GAPVD1: variants seen among roughly 807,000 people sequenced by gnomAD.
The protein encoded by GAPVD1 is GTPase-activating protein and VPS9 domain-containing protein 1.
In GAPVD1, 35 loss-of-function variants were observed where a neutral mutation model predicts 155.5. The observed-to-expected ratio is 0.23, with a 90% CI of 0.17 to 0.30. The LOEUF (loss-of-function observed/expected upper bound fraction) is 0.30. Ranked by LOEUF, GAPVD1 falls within the 10% of genes least tolerant of loss-of-function variation. The probability of loss-of-function intolerance (pLI) is 1.00; values close to 1 mark genes in which losing one functional copy is unlikely to be tolerated. For synonymous variants in GAPVD1, 636 were observed against 619.7 expected (o/e 1.03, Z -0.39); for missense variants, 1,429 against 1,775.7 (o/e 0.80, Z 3.51).
At chr9:125,271,781 C>G (rs556215183) in intron 2 of GAPVD1, among the ~76,000 whole-genome samples, 2 of 152,142 alleles carry the variant, frequency 1.3e-5, no homozygotes, top group Non-Finnish European at 2.9e-5. Flanking sequence ...GAACTCCTGA[C>G]CTCAAGTGAT....
intron 2 of GAPVD1, among the ~76,000 whole-genome samples, chr9:125,276,368 C>A (rs146184995): frequency 1.2e-3 from 185 of 152,230 alleles, no homozygotes; most frequent in African/African-American, 4.1e-3. Flanking sequence ...AATTTTTTCT[C>A]ATTTAATATT....
chr9:125,281,522 C>G (rs1204468047), intron 2 of GAPVD1, among the ~76,000 whole-genome samples: 1 of 152,070 alleles, frequency 6.6e-6, no homozygotes, highest in South Asian at 2.1e-4. Context: ...GCATCAAGAT[C>G]AATTCTTCAT....
intron 9 of GAPVD1, among the ~76,000 whole-genome samples, chr9:125,319,134 C>T (rs887610469): frequency 6.6e-6 from 1 of 151,840 alleles, no homozygotes; most frequent in Admixed American, 6.6e-5. Flanking sequence ...CAAGATCATG[C>T]CATTGCACTC....
Position 125,262,329 on chromosome 9 carries a change from C to T in GAPVD1, c.-199+370C>T, listed in dbSNP as rs372641428. 1.3e-4 allele frequency among the ~76,000 whole-genome samples: 20 copies of T among 152,246 alleles called. No individual in the cohort carries two copies. In the East Asian group the frequency reaches 3.7e-3, roughly 28 times the overall value. On this transcript the variant is annotated intron_variant, in intron 1 of 27. Transcript: ENST00000297933. ...AGGAGGCGAGAACGAAATGGAATGT[C>T]TTCTGAGTGTCGCTGATAAAGATAT...
intron 13 of GAPVD1, among the ~76,000 whole-genome samples, chr9:125,330,716 TTAGA>T (rs1845946343): frequency 6.6e-6 from 1 of 152,366 alleles, no homozygotes; most frequent in Admixed American, 6.5e-5. Flanking sequence ...AAATGCTCTG[TTAGA>T]TAGCATAGAC....
chr9:125,326,732 G>C, intron 12 of GAPVD1, 143 bp downstream of exon 12: 1 of 544,774 alleles, frequency 1.8e-6, no homozygotes, highest in East Asian at 3.0e-5. Flanking sequence ...TATGGAACAA[G>C]GCATTTGGGT....
At position 125,364,633 on chromosome 9, in the gene GAPVD1, G is replaced by A. The variant is rs1018081027; in HGVS notation, c.*1887G>A. On this transcript the variant is annotated 3_prime_UTR_variant, in exon 28 of 28. Coordinates refer to ENST00000297933, the MANE Select transcript of GAPVD1 (RefSeq NM_001282680.3). The stretch of plus-strand genomic sequence containing the variant: ...AAATTGCATAGGAGTGTGGGATGTG[G>A]TTTCTGCCTTCTAGAGAGAGATCAG... 5.3e-5 allele frequency: 8 copies of A among 152,224 alleles called. No homozygotes were observed. Among genetic ancestry groups the A allele is most frequent in the Non-Finnish European group, 7.3e-5 (5 of 68,040 alleles). The allele number at this position is 152,224 out of a possible 1,614,324, so 9.4% of individuals were successfully genotyped here. A position where few individuals can be genotyped will look rare whatever the true frequency, so the allele number is the denominator to read the frequency against.
chr9:125,302,591 T>G lies in GAPVD1; in HGVS notation c.794T>G (p.Phe265Cys). The change falls in exon 5 of 28, where the codon TTT becomes TGT. Residue 265 changes from phenylalanine (F) to cysteine (C), a missense_variant. Around this residue, in one of 4 missense-constraint regions of GAPVD1, gnomAD observed 628 missense variants for 733.4 expected, o/e 0.86. Coordinates refer to ENST00000297933, the MANE Select transcript of GAPVD1 (RefSeq NM_001282680.3). ...AAGCTAGTGGCTTTGGTGAACAAAT[T>G]TATTGGTTATCTCAAACAGAACACA... ...EAKLVALVNKFIGYLKQNTYC... is the reference protein window; with the variant it reads ...EAKLVALVNKCIGYLKQNTYC... 3 of 1,613,994 alleles carry G rather than the reference T, an allele frequency of 1.9e-6. No individual in the cohort carries two copies. The highest frequency in any genetic ancestry group is 2.5e-6 in the Non-Finnish European group (3 of 1,179,942).
intron 9 of GAPVD1, among the ~76,000 whole-genome samples, chr9:125,320,870 C>T (rs1844228919): frequency 6.6e-6 from 1 of 152,144 alleles, no homozygotes; most frequent in Non-Finnish European, 1.5e-5. Flanking sequence ...TCGTGATCTG[C>T]CTGCCCTGGC....
chr9:125,296,886 C>T (rs1283283058), intron 3 of GAPVD1, among the ~76,000 whole-genome samples: 1 of 151,864 alleles, frequency 6.6e-6, no homozygotes, highest in Admixed American at 6.6e-5. Flanking sequence ...TCTCAAACTC[C>T]TGACCTCAAG....
chr9:125,316,159 G>A (rs1843391360), intron 9 of GAPVD1, among the ~76,000 whole-genome samples: 1 of 152,080 alleles, frequency 6.6e-6, no homozygotes, highest in African/African-American at 2.4e-5. Flanking sequence ...TATATAATCT[G>A]ATTTCCAGAA....
chr9:125,302,451 T>A lies in GAPVD1; in HGVS notation c.654T>A (p.Asp218Glu). The change falls in exon 5 of 28, where the codon GAT (aspartate) becomes GAA (glutamate). Residue 218 changes from aspartate (D) to glutamate (E), a missense_variant. Coordinates refer to ENST00000297933, the MANE Select transcript of GAPVD1 (RefSeq NM_001282680.3). ...AAGATGAAGATCACCTGGAAACAGA[T>A]CCAAACAAGCTAATTGAGAGGTTCT... Reference protein sequence around the residue: ...LVEDEDHLETDPNKLIERFSP... With the variant: ...LVEDEDHLETEPNKLIERFSP... 6.2e-7 allele frequency: 1 copy of A among 1,613,696 alleles called. No individual in the cohort carries two copies.
chr9:125,349,533 A>G lies in GAPVD1; in HGVS notation c.3299+14A>G, dbSNP rs762267159. ...TTTCTCTTACAGGTATTTCTTTTAT[A>G]GGATTTGGGACTTTAGGGTTTGGAC... On this transcript the variant is annotated intron_variant, in intron 21 of 27. Coordinates refer to ENST00000297933, the MANE Select transcript of GAPVD1 (RefSeq NM_001282680.3). 19 of 1,612,804 alleles carry G rather than the reference A, an allele frequency of 1.2e-5. No homozygotes were observed. In the South Asian group the frequency reaches 1.9e-4, roughly 16 times the overall value.
At chr9:125,331,468 T>G (rs971272927) in intron 13 of GAPVD1, among the ~76,000 whole-genome samples, 1 of 152,220 alleles carries the variant, frequency 6.6e-6, no homozygotes, top group African/African-American at 2.4e-5. Flanking sequence ...CCCAAAGTGC[T>G]GGGATTACAG....
chr9:125,272,349 A>G (rs902145208), intron 2 of GAPVD1, among the ~76,000 whole-genome samples: 3 of 152,206 alleles, frequency 2.0e-5, no homozygotes. Flanking sequence ...TTATGCAGAG[A>G]TGATTTCATC....
chr9:125,282,235 C>T (rs1032637546), intron 2 of GAPVD1, among the ~76,000 whole-genome samples: 9 of 152,224 alleles, frequency 5.9e-5, no homozygotes, highest in South Asian at 2.1e-4. Context: ...GCTGAGATCA[C>T]GCCACTGCAC....
intron 2 of GAPVD1, among the ~76,000 whole-genome samples, chr9:125,277,777 C>CT (rs1836030265): frequency 6.6e-6 from 1 of 151,672 alleles, no homozygotes; most frequent in Non-Finnish European, 1.5e-5. Flanking sequence ...TCAAGCAGTC[C>CT]TCCTACCTCA....
chr9:125,350,887 C>T lies in GAPVD1; in HGVS notation c.3569+15C>T, dbSNP rs773122623. ...GAGGACTACAGGTAATATACCCCACCTGTTCAGCTTTTAAACCTAGTTGTT... is the reference window on the plus strand; with the variant it reads ...GAGGACTACAGGTAATATACCCCACTTGTTCAGCTTTTAAACCTAGTTGTT... On this transcript the variant is annotated intron_variant, in intron 23 of 27. Transcript: ENST00000297933. 1.3e-4 allele frequency: 214 copies of T among 1,590,256 alleles called. 1 individual carries two copies. Among genetic ancestry groups the T allele is most frequent in the Non-Finnish European group, 1.7e-4 (196 of 1,168,168 alleles).
At chr9:125,347,908 A>G (rs1272142955) in intron 20 of GAPVD1, among the ~76,000 whole-genome samples, 2 of 152,160 alleles carry the variant, frequency 1.3e-5, no homozygotes, top group South Asian at 2.1e-4. Context: ...TTTTATTTTG[A>G]ATAGTTTCCA....
Sources: gnomAD v4.1 joint callset for allele counts (sites outside exome capture counted in the v4.1 genomes callset) on GRCh38, gnomAD v4.1.1 for gene constraint, gnomAD v4.1.1 regional missense constraint, MANE v1.5 for transcripts, NCBI Gene and HGNC (gene_info 2026-07-23, HGNC 2026-07-21) for gene names.